Variants in PDE11A observed in about 807,000 individuals in gnomAD.
PDE11A encodes the protein dual 3',5'-cyclic-AMP and -GMP phosphodiesterase 11A.
PDE11A carries 100 observed loss-of-function variants against 100.5 expected under a neutral mutation model. The ratio of observed to expected loss-of-function variants is 1.00; its 90% CI spans 0.85 to 1.18. PDE11A has a LOEUF of 1.18. Ranked by LOEUF, PDE11A falls within the 50% of genes most tolerant of loss-of-function variation. PDE11A has a pLI of 0.00. For missense variants in PDE11A, 1,141 were observed against 1,152.6 expected, an observed-to-expected ratio of 0.99 and a Z score of 0.15; for synonymous variants, 381 against 420.8, an observed-to-expected ratio of 0.91 and a Z score of 1.16.
At chr2:177,785,012 T>C (rs1363437335) in intron 9 of PDE11A, among the ~76,000 whole-genome samples, 1 of 152,202 alleles carries the variant, frequency 6.6e-6, no homozygotes. Flanking sequence ...TAAAACTTTG[T>C]TTTCTTAATT....
chr2:177,699,522 T>C (rs139298076), intron 14 of PDE11A, among the ~76,000 whole-genome samples: 305 of 152,328 alleles, frequency 2.0e-3, no homozygotes, highest in African/African-American at 6.8e-3. Flanking sequence ...TAGTCTTCTA[T>C]TTTCACGTTA....
At chr2:177,706,268 GA>G (rs564978929) in intron 13 of PDE11A, among the ~76,000 whole-genome samples, 67 of 151,670 alleles carry the variant, frequency 4.4e-4, no homozygotes, top group African/African-American at 1.3e-3. Context: ...CCTTATATAT[GA>G]AAAAAAGGTA....
chr2:178,011,502 T>A (rs991018972), intron 2 of PDE11A, among the ~76,000 whole-genome samples: 1 of 152,152 alleles, frequency 6.6e-6, no homozygotes, highest in Admixed American at 6.6e-5. Context: ...GGGCGAGGTA[T>A]AGGGGAAGAG....
At chr2:177,867,316 T>A (rs1026034871) in intron 5 of PDE11A, among the ~76,000 whole-genome samples, 8 of 152,026 alleles carry the variant, frequency 5.3e-5, no homozygotes, top group African/African-American at 1.9e-4. Context: ...CCAAGTGGAG[T>A]GAGTCACATA....
intron 3 of PDE11A, 22 bp downstream of exon 3, chr2:177,905,076 A>T (rs1196863795): frequency 7.6e-7 from 1 of 1,309,260 alleles, no homozygotes; most frequent in Non-Finnish European, 1.1e-6. Context: ...GAGGAGTGTC[A>T]ACAATGTTTT....
chr2:177,806,291 C>T (rs1333301988), intron 9 of PDE11A, among the ~76,000 whole-genome samples: 1 of 152,186 alleles, frequency 6.6e-6, no homozygotes, highest in Non-Finnish European at 1.5e-5. Flanking sequence ...CCTCCCAGCT[C>T]AAATCCTGAT....
At chr2:177,766,415 G>A (rs2082239959) in intron 10 of PDE11A, among the ~76,000 whole-genome samples, 1 of 152,154 alleles carries the variant, frequency 6.6e-6, no homozygotes, top group Non-Finnish European at 1.5e-5. Flanking sequence ...TTTAACTCAT[G>A]AAATCTCACG....
At chr2:177,696,371 C>A (rs1036409122) in intron 15 of PDE11A, among the ~76,000 whole-genome samples, 1 of 152,170 alleles carries the variant, frequency 6.6e-6, no homozygotes, top group South Asian at 2.1e-4. Flanking sequence ...AGAAAAGAAA[C>A]CTGCCAAGGA....
intron 1 of PDE11A, among the ~76,000 whole-genome samples, chr2:178,044,560 T>A (rs968653478): frequency 1.3e-5 from 2 of 151,874 alleles, no homozygotes; most frequent in African/African-American, 2.4e-5. Flanking sequence ...CATGGTCACA[T>A]AAGAAGTTCT....
intron 2 of PDE11A, among the ~76,000 whole-genome samples, chr2:177,905,751 C>T (rs1312535242): frequency 1.3e-5 from 2 of 152,190 alleles, no homozygotes; most frequent in East Asian, 3.8e-4. Context: ...GGCCTGGCAG[C>T]CTTCTGCGAC....
chr2:177,845,080 G>A (rs2083559453), intron 5 of PDE11A, among the ~76,000 whole-genome samples: 2 of 151,898 alleles, frequency 1.3e-5, no homozygotes, highest in African/African-American at 2.4e-5. Flanking sequence ...GGTGGTGGCC[G>A]GGCAGAGGGG....
chr2:178,071,683 GTCT>G lies in PDE11A; in HGVS notation c.752_754del (p.Lys251del), dbSNP rs764326806. 3 of 1,613,474 alleles carry G rather than the reference GTCT, an allele frequency of 1.9e-6. No homozygotes were observed. The highest frequency in any genetic ancestry group is 3.3e-5 in the Admixed American group (2 of 60,026). Reference sequence around the variant, plus strand: ...CACATCAAAGAATTTGGAGACCAAGGTCTTCTTGCCAGCAGCTGCCCCTTCCAC... The same window carrying G: ...CACATCAAAGAATTTGGAGACCAAGGTCTTGCCAGCAGCTGCCCCTTCCAC... On this transcript the variant is annotated inframe_deletion, in exon 1 of 20. Transcript: ENST00000286063.
chr2:177,734,328 G>A (rs1000327939), intron 10 of PDE11A, among the ~76,000 whole-genome samples: 5 of 152,002 alleles, frequency 3.3e-5, no homozygotes, highest in African/African-American at 1.2e-4. Flanking sequence ...TCTTCTCGGG[G>A]AGCAAACAAT....
chr2:178,101,440 T>C (rs2087557998), intron 2 of PDE11A, among the ~76,000 whole-genome samples: 1 of 152,158 alleles, frequency 6.6e-6, no homozygotes. Flanking sequence ...CAGTTGAAAG[T>C]GTCTAAAGTT....
intron 2 of PDE11A, among the ~76,000 whole-genome samples, chr2:178,089,736 GGTT>G (rs2105882942): frequency 6.6e-6 from 1 of 152,296 alleles, no homozygotes; most frequent in Admixed American, 6.5e-5. Flanking sequence ...ATGGGCCTAA[GGTT>G]GTTGTAGATC....
chr2:177,873,633 G>A (rs1241825651), intron 5 of PDE11A, among the ~76,000 whole-genome samples: 1 of 152,006 alleles, frequency 6.6e-6, no homozygotes, highest in East Asian at 1.9e-4. Context: ...AAGACACAGC[G>A]TGGTTCCATC....
intron 2 of PDE11A, among the ~76,000 whole-genome samples, chr2:177,950,554 A>G (rs1437259085): frequency 6.6e-6 from 1 of 152,192 alleles, no homozygotes; most frequent in Non-Finnish European, 1.5e-5. Context: ...AATGAGGGGC[A>G]GAGATTTTCA....
chr2:177,962,784 G>A, intron 2 of PDE11A, among the ~76,000 whole-genome samples: 1 of 152,140 alleles, frequency 6.6e-6, no homozygotes, highest in South Asian at 2.1e-4. Flanking sequence ...ACAAATTAAA[G>A]TGTGCATTAT....
chr2:177,806,746 T>C (rs1476964220), intron 9 of PDE11A, among the ~76,000 whole-genome samples: 1 of 152,068 alleles, frequency 6.6e-6, no homozygotes, highest in Non-Finnish European at 1.5e-5. Context: ...ATAACAATTA[T>C]AAAGAATTAT....
Sources: gnomAD v4.1 joint callset for allele counts (sites outside exome capture counted in the v4.1 genomes callset) on GRCh38, gnomAD v4.1.1 for gene constraint, MANE v1.5 for transcripts, NCBI Gene and HGNC (gene_info 2026-07-23, HGNC 2026-07-21) for gene names.